The following KIAA1958 variants were observed in gnomAD, a reference collection of about 807,000 sequenced individuals.
The protein encoded by KIAA1958 is KIAA1958.
KIAA1958 carries 14 observed loss-of-function variants against 47.2 expected under a neutral mutation model. The ratio of observed to expected loss-of-function variants is 0.30; its 90% confidence interval spans 0.20 to 0.46. The LOEUF (loss-of-function observed/expected upper bound fraction) is 0.46, where lower values mean the gene tolerates loss of function less well. Among genes scored for constraint, KIAA1958 ranks in the 20% least tolerant of loss-of-function variants. The pLI, the probability that KIAA1958 is intolerant of heterozygous loss-of-function variation, is 1.00. For missense variants in KIAA1958, 803 were observed against 909.2 expected, an observed-to-expected ratio of 0.88 and a Z score of 1.50; for synonymous variants, 354 against 353.3, an observed-to-expected ratio of 1.00 and a Z score of -0.02.
chr9:112,654,527 AGGC>A (rs1315175750), intron 3 of KIAA1958, among the ~76,000 whole-genome samples: 6 of 152,148 alleles, frequency 3.9e-5, no homozygotes, highest in Admixed American at 3.9e-4. Flanking sequence ...AAAGAAGCAG[AGGC>A]GAAAGATGAG....
chr9:112,595,862 C>T (rs1386065264), intron 2 of KIAA1958, among the ~76,000 whole-genome samples: 1 of 151,498 alleles, frequency 6.6e-6, no homozygotes, highest in Non-Finnish European at 1.5e-5. Context: ...CTCGGCTCAC[C>T]GCAACGTCCG....
At chr9:112,639,237 G>A (rs1040163725) in intron 2 of KIAA1958, among the ~76,000 whole-genome samples, 3 of 152,044 alleles carry the variant, frequency 2.0e-5, no homozygotes, top group Admixed American at 6.6e-5. Flanking sequence ...ATTGCATTTA[G>A]TTATATCCTG....
intron 1 of KIAA1958, among the ~76,000 whole-genome samples, chr9:112,524,622 C>T (rs940810816): frequency 2.6e-5 from 4 of 152,146 alleles, no homozygotes; most frequent in African/African-American, 9.7e-5. Context: ...CAGTGTTATC[C>T]AGAGATCTTT....
intron 1 of KIAA1958, among the ~76,000 whole-genome samples, chr9:112,523,157 A>G (rs1384324356): frequency 6.6e-6 from 1 of 152,182 alleles, no homozygotes; most frequent in African/African-American, 2.4e-5. Flanking sequence ...GTGGTATTAC[A>G]TTCAAATGCT....
chr9:112,554,542 T>C (rs917598403), intron 1 of KIAA1958, among the ~76,000 whole-genome samples: 5 of 151,946 alleles, frequency 3.3e-5, no homozygotes, highest in African/African-American at 1.2e-4. Context: ...AAACAAAATG[T>C]CCAAAAGTAA....
At chr9:112,547,698 C>A (rs1221153705) in intron 1 of KIAA1958, among the ~76,000 whole-genome samples, 4 of 152,162 alleles carry the variant, frequency 2.6e-5, no homozygotes, top group African/African-American at 9.7e-5. Context: ...TTTGAAATGA[C>A]CCTGCGAAGC....
chr9:112,567,221 A>T (rs1211067893), intron 1 of KIAA1958, among the ~76,000 whole-genome samples: 3 of 152,202 alleles, frequency 2.0e-5, no homozygotes, highest in Non-Finnish European at 2.9e-5. Flanking sequence ...AGACAGGGTG[A>T]AACAAAACAA....
At position 112,659,352 on chromosome 9, in the gene KIAA1958, C is replaced by G. The variant is rs1564204858; in HGVS notation, c.1434C>G (p.Leu478=). The change falls in exon 4 of 4, where the codon CTC becomes CTG. Residue 478 remains leucine (L), a synonymous_variant. Transcript: ENST00000337530. The part of the protein sequence containing the change: ...SDGSDFLATS[L]HAIRRGLDRI... The stretch of plus-strand genomic sequence containing the variant: ...GCTCGGACTTCCTGGCCACCTCGCT[C>G]CATGCTATTCGCCGAGGCCTGGACC... The G allele has an allele frequency of 2.5e-6, 4 of 1,614,136 alleles. No individual in the cohort carries two copies. The highest frequency in any genetic ancestry group is 3.4e-6 in the Non-Finnish European group (4 of 1,180,032).
chr9:112,500,302 T>C (rs931715101), intron 1 of KIAA1958, among the ~76,000 whole-genome samples: 3 of 152,176 alleles, frequency 2.0e-5, no homozygotes, highest in Non-Finnish European at 2.9e-5. Flanking sequence ...GGTTTCGCCA[T>C]GTTGGCCAGG....
intron 1 of KIAA1958, among the ~76,000 whole-genome samples, chr9:112,491,115 C>A (rs1833961292): frequency 6.6e-6 from 1 of 152,102 alleles, no homozygotes; most frequent in Non-Finnish European, 1.5e-5. Context: ...CAGGCACGTG[C>A]CATCACACTT....
At chr9:112,647,551 C>T (rs775354869) in intron 3 of KIAA1958, among the ~76,000 whole-genome samples, 20 of 151,986 alleles carry the variant, frequency 1.3e-4, no homozygotes, top group Admixed American at 3.9e-4. Flanking sequence ...GATTTAGACA[C>T]GAAGGCCTTT....
At chr9:112,579,022 A>T (rs1276242832) in intron 2 of KIAA1958, among the ~76,000 whole-genome samples, 2 of 151,622 alleles carry the variant, frequency 1.3e-5, no homozygotes, top group Non-Finnish European at 2.9e-5. Context: ...ATGTATATAT[A>T]TTTTTTCTTT....
At chr9:112,591,277 A>T (rs1294113858) in intron 2 of KIAA1958, among the ~76,000 whole-genome samples, 47 of 151,680 alleles carry the variant, frequency 3.1e-4, no homozygotes, top group Admixed American at 3.1e-3. Context: ...GTAGAGACGG[A>T]GTTTCACTGT....
chr9:112,500,648 CTTTA>C (rs1214483531), intron 1 of KIAA1958, among the ~76,000 whole-genome samples: 1 of 152,018 alleles, frequency 6.6e-6, no homozygotes, highest in Non-Finnish European at 1.5e-5. Context: ...TTTATAGTTA[CTTTA>C]TTTAGTCATC....
At chr9:112,623,548 A>G (rs1351604123) in intron 2 of KIAA1958, among the ~76,000 whole-genome samples, 1 of 152,184 alleles carries the variant, frequency 6.6e-6, no homozygotes, top group Admixed American at 6.5e-5. Flanking sequence ...AATTAATTCA[A>G]CTCATTGATT....
chr9:112,627,011 C>T (rs763124121), intron 2 of KIAA1958, among the ~76,000 whole-genome samples: 3 of 152,098 alleles, frequency 2.0e-5, no homozygotes, highest in Non-Finnish European at 2.9e-5. Context: ...TGTTAAAAGG[C>T]TGTGCCAGTC....
At chr9:112,570,939 G>C (rs892983080) in intron 1 of KIAA1958, among the ~76,000 whole-genome samples, 2 of 152,306 alleles carry the variant, frequency 1.3e-5, no homozygotes, top group South Asian at 2.1e-4. Flanking sequence ...AACTGCTGGC[G>C]TAAGTCCCAG....
chr9:112,570,092 G>C (rs1564175722), intron 1 of KIAA1958, among the ~76,000 whole-genome samples: 2 of 152,220 alleles, frequency 1.3e-5, no homozygotes, highest in Non-Finnish European at 2.9e-5. Flanking sequence ...GCATGTGCTA[G>C]TTCTTCTGTG....
intron 1 of KIAA1958, among the ~76,000 whole-genome samples, chr9:112,519,742 A>G (rs954723971): frequency 6.6e-6 from 1 of 152,258 alleles, no homozygotes; most frequent in Non-Finnish European, 1.5e-5. Context: ...GCTGCAAATC[A>G]TAACAGTGAG....
Sources: allele counts gnomAD v4.1 joint callset (sites outside exome capture counted in the v4.1 genomes callset), GRCh38; gene constraint gnomAD v4.1.1; transcripts MANE v1.5; gene names NCBI Gene and HGNC (gene_info 2026-07-23, HGNC 2026-07-21).